The following SNX10 variants were observed in gnomAD, a reference collection of about 807,000 sequenced individuals.
SNX10 encodes the protein sorting nexin 10, also known as sorting nexin-10.
SNX10 carries 25 observed loss-of-function variants against 28.5 expected under a neutral mutation model. The ratio of observed to expected loss-of-function variants is 0.88; its 90% CI spans 0.64 to 1.22. The LOEUF (loss-of-function observed/expected upper bound fraction) is 1.22. Ranked by LOEUF, SNX10 falls within the 50% of genes most tolerant of loss-of-function variation. The probability of loss-of-function intolerance (pLI) is 0.00; values close to 1 mark genes in which losing one functional copy is unlikely to be tolerated. For missense variants in SNX10, 223 were observed against 242.6 expected, an observed-to-expected ratio of 0.92 and a Z score of 0.54; for synonymous variants, 62 against 81.4, an observed-to-expected ratio of 0.76 and a Z score of 1.28.
intron 2 of SNX10, among the ~76,000 whole-genome samples, chr7:26,358,799 T>C (rs1198424243): frequency 7.2e-6 from 1 of 138,514 alleles, no homozygotes; most frequent in African/African-American, 2.7e-5. Flanking sequence ...TATAGTGTTA[T>C]CTTGTGTTTT....
In SNX10 at chr7:26,371,858, C is replaced by G; in HGVS notation, c.349C>G (p.Leu117Val). The change falls in exon 6 of 7, where the codon CTT becomes GTT. Residue 117 changes from leucine to valine, a missense_variant. Leu to Val is a conservative substitution (Grantham distance 32). Coordinates refer to ENST00000338523, the MANE Select transcript of SNX10 (RefSeq NM_013322.3). Reference protein sequence around the residue: ...QNALLLSDSSLHLFLQSHLNS... With the variant: ...QNALLLSDSSVHLFLQSHLNS... ...TGCACTTTTGCTTTCAGATAGCAGCCTTCACCTCTTCTTACAGAGCCATCT... is the reference window on the plus strand; with the variant it reads ...TGCACTTTTGCTTTCAGATAGCAGCGTTCACCTCTTCTTACAGAGCCATCT... The G allele has an allele frequency of 6.2e-7, 1 of 1,613,318 alleles. No homozygotes were observed. Among genetic ancestry groups the G allele is most frequent in the Non-Finnish European group, 8.5e-7 (1 of 1,179,608 alleles).
At chr7:26,307,401 C>T (rs1323167660) in intron 1 of SNX10, among the ~76,000 whole-genome samples, 1 of 152,136 alleles carries the variant, frequency 6.6e-6, no homozygotes, top group Non-Finnish European at 1.5e-5. Context: ...TCCTTGACTC[C>T]CTTTTCTCAA....
rs369562646 is a variant in SNX10 at position 26,346,450 on chromosome 7, C to G, written c.8C>G (p.Pro3Arg). The part of the protein sequence containing the change: MF[P>R]EQQKEEFVSV... The stretch of plus-strand genomic sequence containing the variant: ...TCGTGTCCTGTGCTGAAGATGTTTC[C>G]GGAACAACAGAAAGAGGTATGTCAT... The change falls in exon 2 of 7, where the codon CCG becomes CGG. Residue 3 changes from proline (P) to arginine (R), a missense_variant. Pro to Arg is a moderately radical substitution (Grantham distance 103). Transcript: ENST00000338523. 6.2e-7 allele frequency: 1 copy of G among 1,608,902 alleles called. No homozygotes were observed. Among genetic ancestry groups the G allele is most frequent in the Non-Finnish European group, 8.5e-7 (1 of 1,175,310 alleles).
chr7:26,361,330 A>T (rs1789059665), intron 3 of SNX10, among the ~76,000 whole-genome samples: 1 of 152,224 alleles, frequency 6.6e-6, no homozygotes, highest in African/African-American at 2.4e-5. Flanking sequence ...TCTAAAATGC[A>T]TGGGTAAAGA....
chr7:26,357,505 C>T (rs1788875129), intron 2 of SNX10, among the ~76,000 whole-genome samples: 1 of 151,950 alleles, frequency 6.6e-6, no homozygotes. Flanking sequence ...GGAGTTTGAA[C>T]TTGAAGGTTA....
rs1190497185 is a variant in SNX10 at position 26,323,561 on chromosome 7, G to A, written c.-23-22859G>A. Among the ~76,000 whole-genome samples, 4 of 152,198 alleles carry A rather than the reference G, an allele frequency of 2.6e-5. No individual in the cohort carries two copies. In the East Asian group the frequency reaches 7.7e-4, roughly 29 times the overall value. ...GGAAGGAGGCACCCAGGAGGCGGCA[G>A]GGGTGGTTGGGGAAGAGGGGCCTTG... On this transcript the variant is annotated intron_variant, in intron 1 of 6. Transcript: ENST00000338523.
Position 26,291,919 on chromosome 7 carries a change from A to G in SNX10, c.-191A>G, listed in dbSNP as rs560593863. On this transcript the variant is annotated 5_prime_UTR_variant, in exon 1 of 7. Transcript: ENST00000338523. ...CGCTGAGCGCGGGCGCGGGGCCGCT[A>G]CGTGCGCGGGGAGCGCGGGGAGCGC... 48 of 135,962 alleles carry G rather than the reference A, an allele frequency of 3.5e-4. No homozygotes were observed. The highest frequency in any genetic ancestry group is 1.5e-3 in the Admixed American group (19 of 12,968). 8.4% of individuals were successfully genotyped at this position (135,962 alleles called of 1,614,324 possible).
chr7:26,350,126 T>G (rs974295683), intron 2 of SNX10, among the ~76,000 whole-genome samples: 9 of 152,184 alleles, frequency 5.9e-5, no homozygotes, highest in Admixed American at 5.9e-4. Flanking sequence ...GCATTCTACT[T>G]TTAGAGATTC....
chr7:26,325,947 C>T (rs892713773), intron 1 of SNX10, among the ~76,000 whole-genome samples: 2 of 152,142 alleles, frequency 1.3e-5, no homozygotes, highest in East Asian at 1.9e-4. Flanking sequence ...AGGCTGGTCT[C>T]GAACTCCTGA....
At chr7:26,371,791 C>A in intron 5 of SNX10, 30 bp from the exon 6 acceptor site, 5 of 1,494,814 alleles carry the variant, frequency 3.3e-6, no homozygotes, top group Non-Finnish European at 4.6e-6. Context: ...TCCTGTTCAC[C>A]AATTATTTTT....
chr7:26,360,216 A>G (rs951622957), intron 2 of SNX10, among the ~76,000 whole-genome samples: 2 of 152,038 alleles, frequency 1.3e-5, no homozygotes, highest in African/African-American at 4.8e-5. Flanking sequence ...GTCAACTTCA[A>G]CCCTCTTTGC....
At chr7:26,329,108 A>G (rs982340496) in intron 1 of SNX10, among the ~76,000 whole-genome samples, 1 of 152,220 alleles carries the variant, frequency 6.6e-6, no homozygotes. Flanking sequence ...AAGTCAGGTT[A>G]GGTCATGCAC....
chr7:26,319,864 C>G (rs1300807993), intron 1 of SNX10, among the ~76,000 whole-genome samples: 4 of 152,088 alleles, frequency 2.6e-5, no homozygotes, highest in African/African-American at 4.8e-5. Flanking sequence ...TTCCCTAGTA[C>G]TGGTTTTTCC....
At chr7:26,330,167 C>A (rs116511457) in intron 1 of SNX10, among the ~76,000 whole-genome samples, 1 of 151,872 alleles carries the variant, frequency 6.6e-6, no homozygotes, top group Non-Finnish European at 1.5e-5. Context: ...GGCAAGAGCC[C>A]GGAATGTTAG....
At chr7:26,318,088 G>C (rs1443908078) in intron 1 of SNX10, among the ~76,000 whole-genome samples, 1 of 152,334 alleles carries the variant, frequency 6.6e-6, no homozygotes, top group South Asian at 2.1e-4. Context: ...AGTATGCCCA[G>C]AATATACTAG....
At chr7:26,326,981 C>T (rs1020819668) in intron 1 of SNX10, among the ~76,000 whole-genome samples, 10 of 145,150 alleles carry the variant, frequency 6.9e-5, no homozygotes, top group African/African-American at 1.5e-4. Context: ...GACGGAGTCT[C>T]GCTCTGTCAC....
At chr7:26,363,715 G>A (rs147077041) in intron 3 of SNX10, among the ~76,000 whole-genome samples, 1 of 152,240 alleles carries the variant, frequency 6.6e-6, no homozygotes, top group East Asian at 1.9e-4. Flanking sequence ...GGACACCATC[G>A]GTGGCTTTTT....
At chr7:26,345,995 T>C (rs12537520) in intron 1 of SNX10, among the ~76,000 whole-genome samples, 31,227 of 152,038 alleles carry the variant, frequency 0.21, 3,672 homozygotes, top group East Asian at 0.45. Context: ...AAGGGCCTGA[T>C]CCCAGAAGGT....
chr7:26,363,497 A>G (rs1471620834), intron 3 of SNX10, among the ~76,000 whole-genome samples: 1 of 152,240 alleles, frequency 6.6e-6, no homozygotes, highest in African/African-American at 2.4e-5. Flanking sequence ...TTTGAAATAC[A>G]GAGACTAGAG....
Sources: allele counts gnomAD v4.1 joint callset (sites outside exome capture counted in the v4.1 genomes callset), GRCh38; gene constraint gnomAD v4.1.1; transcripts MANE v1.5; gene names NCBI Gene and HGNC (gene_info 2026-07-23, HGNC 2026-07-21).